The following ANKH variants were observed in gnomAD, a reference collection of about 807,000 sequenced individuals.
ANKH encodes the protein mineralization regulator ANKH.
ANKH carries 15 observed loss-of-function variants against 49.0 expected under a neutral mutation model. That is an observed-to-expected ratio of 0.31 (90% CI 0.20 to 0.47). The LOEUF (loss-of-function observed/expected upper bound fraction) is 0.47. Ranked by LOEUF, ANKH falls within the 20% of genes least tolerant of loss-of-function variation. The pLI is 1.00. For synonymous variants in ANKH, 273 were observed against 260.0 expected (o/e 1.05, Z -0.48); for missense variants, 429 against 652.0 (o/e 0.66, Z 3.72).
intron 1 of ANKH, among the ~76,000 whole-genome samples, chr5:14,853,329 A>G (rs1324110870): frequency 6.6e-6 from 1 of 152,166 alleles, no homozygotes; most frequent in Non-Finnish European, 1.5e-5. Context: ...TAATCCCAAC[A>G]TTTTGAGAGG....
At chr5:14,806,664 G>A (rs532537488) in intron 1 of ANKH, among the ~76,000 whole-genome samples, 2 of 152,254 alleles carry the variant, frequency 1.3e-5, no homozygotes, top group South Asian at 4.1e-4. Flanking sequence ...GTTCTTGGAG[G>A]CCCTTCTAAT....
Position 14,768,982 on chromosome 5 carries a change from T to G in ANKH, c.306A>C (p.Thr102=), listed in dbSNP as rs762864512. 1.9e-6 allele frequency: 3 copies of G among 1,614,180 alleles called. No homozygotes were observed. The highest frequency in any genetic ancestry group is 3.3e-5 in the Admixed American group (2 of 60,018). Residue 102 remains threonine (T), a synonymous_variant, in exon 2 of 12, where the codon ACA becomes ACC. Coordinates refer to ENST00000284268, the MANE Select transcript of ANKH (RefSeq NM_054027.6). ...GGCGGTCGGCGGCCTCACCTATCAGTGTGTGAAAGACGGCAGCGATGGCCC... is the reference window on the plus strand; with the variant it reads ...GGCGGTCGGCGGCCTCACCTATCAGGGTGTGAAAGACGGCAGCGATGGCCC... The part of the protein sequence containing the change: ...VAGAIAAVFH[T]LIAYSDLGYY...
intron 1 of ANKH, among the ~76,000 whole-genome samples, chr5:14,823,695 G>A (rs879276309): frequency 6.6e-6 from 1 of 152,254 alleles, no homozygotes; most frequent in Non-Finnish European, 1.5e-5. Flanking sequence ...GGGAGGCCAA[G>A]GCGGGTGGAT....
chr5:14,714,319 G>T (rs1367200060), intron 9 of ANKH, among the ~76,000 whole-genome samples: 1 of 152,240 alleles, frequency 6.6e-6, no homozygotes, highest in Non-Finnish European at 1.5e-5. Context: ...CTGCAGGAGG[G>T]CCATGGGTGG....
intron 1 of ANKH, among the ~76,000 whole-genome samples, chr5:14,801,015 C>T (rs1319467902): frequency 1.3e-5 from 2 of 152,150 alleles, no homozygotes; most frequent in African/African-American, 4.8e-5. Flanking sequence ...TGTGAGCTAC[C>T]ACACCCAGCC....
chr5:14,773,656 T>C (rs1381460740), intron 1 of ANKH, among the ~76,000 whole-genome samples: 1 of 152,168 alleles, frequency 6.6e-6, no homozygotes, highest in African/African-American at 2.4e-5. Context: ...CTAAAATACT[T>C]ATTCTCCCTA....
At chr5:14,842,180 T>C (rs1741833343) in intron 1 of ANKH, among the ~76,000 whole-genome samples, 1 of 152,198 alleles carries the variant, frequency 6.6e-6, no homozygotes, top group Non-Finnish European at 1.5e-5. Context: ...AAGGTGGAGA[T>C]GGTAGACAGC....
intron 1 of ANKH, among the ~76,000 whole-genome samples, chr5:14,794,127 C>T (rs1265609086): frequency 1.3e-5 from 2 of 152,342 alleles, no homozygotes; most frequent in East Asian, 3.9e-4. Flanking sequence ...GCTGTATTCT[C>T]CAGGAAGTCC....
At chr5:14,858,919 T>C (rs1272745118) in intron 1 of ANKH, among the ~76,000 whole-genome samples, 1 of 151,910 alleles carries the variant, frequency 6.6e-6, no homozygotes, top group Non-Finnish European at 1.5e-5. Context: ...GTAACTACAA[T>C]ACAATTAATA....
intron 1 of ANKH, among the ~76,000 whole-genome samples, chr5:14,845,175 C>CA (rs1741921264): frequency 1.3e-5 from 2 of 151,836 alleles, no homozygotes; most frequent in Admixed American, 6.6e-5. Flanking sequence ...TGGCAAAAAA[C>CA]AAAAATGGAT....
chr5:14,851,678 G>A (rs1435795184), intron 1 of ANKH, among the ~76,000 whole-genome samples: 1 of 152,122 alleles, frequency 6.6e-6, no homozygotes, highest in African/African-American at 2.4e-5. Context: ...GTCTTACATT[G>A]GAGATGACTT....
chr5:14,727,104 C>T (rs547621414), intron 8 of ANKH, among the ~76,000 whole-genome samples: 190 of 152,236 alleles, frequency 1.2e-3, no homozygotes, highest in African/African-American at 4.4e-3. Flanking sequence ...AGTTGGCTAA[C>T]ATAGGGGTAG....
chr5:14,745,886 T>C lies in ANKH; in HGVS notation c.899A>G (p.Tyr300Cys). 3 of 1,614,194 alleles carry C rather than the reference T, an allele frequency of 1.9e-6. No individual in the cohort carries two copies. The highest frequency in any genetic ancestry group is 2.5e-6 in the Non-Finnish European group (3 of 1,180,038). The change falls in exon 7 of 12, where the codon TAT (tyrosine) becomes TGT (cysteine). Residue 300 changes from tyrosine to cysteine, a missense_variant. Around this residue, in one of 2 missense-constraint regions of ANKH, gnomAD observed 378 missense variants for 615.3 expected, o/e 0.61. Transcript: ENST00000284268. The surrounding 1 kb of genome is among the most constrained non-coding windows in gnomAD (Gnocchi z 4.7). ...YGWLTEIRAV[Y>C]PAFDKNNPSN... ...GGTTCTCACCTTGTCGAAAGCAGGA[T>C]ACACAGCACGGATTTCCGTCAACCA...
chr5:14,858,525 G>C (rs974893670), intron 1 of ANKH, among the ~76,000 whole-genome samples: 60 of 152,174 alleles, frequency 3.9e-4, no homozygotes, highest in African/African-American at 1.4e-3. Context: ...AGATAAGCCT[G>C]GCCAGCATGG....
chr5:14,864,317 G>A (rs1735583026), intron 1 of ANKH, among the ~76,000 whole-genome samples: 1 of 152,218 alleles, frequency 6.6e-6, no homozygotes, highest in South Asian at 2.1e-4. Flanking sequence ...TATGTAGATA[G>A]ATTAGTATCT....
At chr5:14,800,303 G>T (rs994038386) in intron 1 of ANKH, among the ~76,000 whole-genome samples, 1 of 152,216 alleles carries the variant, frequency 6.6e-6, no homozygotes, top group Admixed American at 6.5e-5. Flanking sequence ...GACAACAAAT[G>T]ACTTAGAATA....
At chr5:14,764,639 A>C (rs1358433578) in intron 2 of ANKH, among the ~76,000 whole-genome samples, 2 of 152,196 alleles carry the variant, frequency 1.3e-5, no homozygotes, top group Non-Finnish European at 2.9e-5. Context: ...CACGACAATA[A>C]ATTGTGAGAC....
intron 1 of ANKH, among the ~76,000 whole-genome samples, chr5:14,771,446 C>G (rs1431768366): frequency 6.6e-6 from 1 of 152,140 alleles, no homozygotes; most frequent in East Asian, 1.9e-4. Context: ...TAGCAGCTCT[C>G]CTGTCCGGCC....
In ANKH at chr5:14,707,105, T is replaced by C. The variant is rs1443143595; in HGVS notation, c.*4092A>G. 1 of 152,220 alleles carries C rather than the reference T, an allele frequency of 6.6e-6. No homozygotes were observed. Among genetic ancestry groups the C allele is most frequent in the Non-Finnish European group, 1.5e-5 (1 of 68,042 alleles). 9.4% of individuals were successfully genotyped at this position (152,220 alleles called of 1,614,324 possible). A position where few individuals can be genotyped will look rare whatever the true frequency, so the allele number is the denominator to read the frequency against. ...ATTGATGAAGACGTCGTCCTAAGTT[T>C]AGAAGTCAGCTCACCTGCAAAGCTG... On this transcript the variant is annotated 3_prime_UTR_variant, in exon 12 of 12. Transcript: ENST00000284268.
Sources: allele counts gnomAD v4.1 joint callset (sites outside exome capture counted in the v4.1 genomes callset), GRCh38; gene constraint gnomAD v4.1.1; regional missense constraint gnomAD v4.1.1; non-coding constraint Gnocchi (gnomAD v3.1); transcripts MANE v1.5; gene names NCBI Gene and HGNC (gene_info 2026-07-23, HGNC 2026-07-21).